Variants in RGS6 observed in about 807,000 individuals in gnomAD.
The protein encoded by RGS6 is regulator of G protein signaling 6, also known as regulator of G-protein signaling 6.
Under a neutral mutation model 78.5 loss-of-function variants are expected in RGS6, and 30 were observed. The ratio of observed to expected loss-of-function variants is 0.38; its 90% CI spans 0.29 to 0.52. The LOEUF (loss-of-function observed/expected upper bound fraction) is 0.52. RGS6 is among the 20% of genes least tolerant of loss of function. The pLI is 0.85. For missense variants in RGS6, 495 were observed against 609.7 expected (o/e 0.81, Z 1.98); for synonymous variants, 206 against 206.0 (o/e 1.00, Z 0.00).
chr14:72,521,769 C>G (rs1425079779), intron 15 of RGS6, among the ~76,000 whole-genome samples: 1 of 152,120 alleles, frequency 6.6e-6, no homozygotes, highest in East Asian at 1.9e-4. Context: ...CCTGAGTCTT[C>G]CTTTCCTCAT....
At chr14:72,325,314 T>C (rs945939175) in intron 2 of RGS6, among the ~76,000 whole-genome samples, 1 of 152,214 alleles carries the variant, frequency 6.6e-6, no homozygotes, top group African/African-American at 2.4e-5. Flanking sequence ...GCCTGTTCAC[T>C]CTGATGGTAG....
At chr14:72,183,815 G>A (rs1310730332) in intron 2 of RGS6, among the ~76,000 whole-genome samples, 2 of 151,938 alleles carry the variant, frequency 1.3e-5, no homozygotes, top group Non-Finnish European at 2.9e-5. Flanking sequence ...CCTCTATGTG[G>A]CCATATGTGC....
chr14:72,491,023 A>T (rs1273479420), intron 12 of RGS6, among the ~76,000 whole-genome samples: 1 of 152,170 alleles, frequency 6.6e-6, no homozygotes, highest in Non-Finnish European at 1.5e-5. Flanking sequence ...TATGGATCAC[A>T]CTTCCAGTAG....
chr14:72,359,223 A>G (rs535680121), intron 3 of RGS6, among the ~76,000 whole-genome samples: 2 of 152,272 alleles, frequency 1.3e-5, no homozygotes, highest in South Asian at 4.2e-4. Flanking sequence ...GAACCGACTA[A>G]TAGAGTAGAA....
At chr14:72,354,271 A>G (rs977108964) in intron 3 of RGS6, among the ~76,000 whole-genome samples, 3 of 152,050 alleles carry the variant, frequency 2.0e-5, no homozygotes, top group African/African-American at 7.2e-5. Flanking sequence ...GGTTCTGGTA[A>G]GAGCCCATTC....
At position 72,410,933 on chromosome 14, in the gene RGS6, T is replaced by A. The variant is rs576329569; in HGVS notation, c.185-43595T>A. Among the ~76,000 whole-genome samples the A allele has an allele frequency of 5.0e-3, 769 of 152,342 alleles. 6 individuals are homozygous for A. Among genetic ancestry groups the A allele is most frequent in the South Asian group, 0.012 (60 of 4,818 alleles). ...GTTCTGTTCCATTGGTCTATATCTC[T>A]GTTTTGGTACCAGTACCATGCTGTT... On this transcript the variant is annotated intron_variant, in intron 3 of 17. Coordinates refer to ENST00000553525, the MANE Select transcript of RGS6 (RefSeq NM_001204424.2).
chr14:72,407,401 C>G (rs2093028592), intron 3 of RGS6, among the ~76,000 whole-genome samples: 1 of 152,154 alleles, frequency 6.6e-6, no homozygotes. Flanking sequence ...ATTGCTGTTC[C>G]TAATGTCTTT....
intron 13 of RGS6, among the ~76,000 whole-genome samples, chr14:72,502,727 G>A (rs919181743): frequency 3.9e-5 from 6 of 152,154 alleles, no homozygotes; most frequent in Non-Finnish European, 7.3e-5. Context: ...TCGTGCCATT[G>A]CACTCCAGCC....
intron 2 of RGS6, among the ~76,000 whole-genome samples, chr14:72,019,309 A>G (rs1469812605): frequency 6.6e-6 from 1 of 152,182 alleles, no homozygotes; most frequent in African/African-American, 2.4e-5. Flanking sequence ...GGTCAACACT[A>G]TTTTCCATCT....
At chr14:72,059,449 G>T (rs1227553814) in intron 2 of RGS6, among the ~76,000 whole-genome samples, 1 of 152,140 alleles carries the variant, frequency 6.6e-6, no homozygotes, top group Non-Finnish European at 1.5e-5. Context: ...TTGCCTTACT[G>T]GTGCGCTCTC....
At chr14:72,081,604 C>G (rs1162538092) in intron 2 of RGS6, among the ~76,000 whole-genome samples, 1 of 152,014 alleles carries the variant, frequency 6.6e-6, no homozygotes, top group Non-Finnish European at 1.5e-5. Context: ...ATTATTTTCC[C>G]TTTTTAACTT....
intron 1 of RGS6, among the ~76,000 whole-genome samples, chr14:71,958,851 C>G (rs1254938780): frequency 6.6e-6 from 1 of 152,180 alleles, no homozygotes; most frequent in East Asian, 1.9e-4. Flanking sequence ...ATCAGAACTT[C>G]TGGAGCATGG....
chr14:72,073,248 G>C (rs533125016), intron 2 of RGS6, among the ~76,000 whole-genome samples: 38 of 152,238 alleles, frequency 2.5e-4, no homozygotes, highest in Admixed American at 2.2e-3. Context: ...TTGTCTATAG[G>C]TTATTGGAAA....
chr14:72,580,687 A>G, the RGS6 span, among the ~76,000 whole-genome samples: 15 of 152,226 alleles, frequency 9.9e-5, no homozygotes, highest in Non-Finnish European at 2.2e-4. Context: ...TGGCTTTGAA[A>G]TTGCTTTTCA....
the RGS6 span, among the ~76,000 whole-genome samples, chr14:71,871,522 A>G: frequency 2.6e-5 from 4 of 152,024 alleles, no homozygotes; most frequent in Non-Finnish European, 2.9e-5. Flanking sequence ...CTCTTTTGAA[A>G]GCTAATTCCC....
the RGS6 span, among the ~76,000 whole-genome samples, chr14:72,615,857 C>G: frequency 6.6e-6 from 1 of 152,252 alleles, no homozygotes; most frequent in South Asian, 2.1e-4. Context: ...ATCCAAAAAG[C>G]AGGGTTTCAA....
At chr14:72,250,242 A>AT (rs1233633109) in intron 2 of RGS6, among the ~76,000 whole-genome samples, 32 of 148,118 alleles carry the variant, frequency 2.2e-4, no homozygotes, top group Admixed American at 2.0e-3. Flanking sequence ...AACTATAATA[A>AT]AAAAAAAAAG....
At chr14:72,325,703 C>T (rs1014909358) in intron 2 of RGS6, among the ~76,000 whole-genome samples, 1 of 151,830 alleles carries the variant, frequency 6.6e-6, no homozygotes, top group African/African-American at 2.4e-5. Context: ...AAAAAACAAC[C>T]CAGTGGAAAT....
At chr14:72,214,611 T>C (rs2045105711) in intron 2 of RGS6, among the ~76,000 whole-genome samples, 1 of 152,204 alleles carries the variant, frequency 6.6e-6, no homozygotes, top group Non-Finnish European at 1.5e-5. Context: ...TAAAATTGCT[T>C]AATTATATGT....
Sources: allele counts gnomAD v4.1 joint callset (sites outside exome capture counted in the v4.1 genomes callset), GRCh38; gene constraint gnomAD v4.1.1; transcripts MANE v1.5; gene names NCBI Gene and HGNC (gene_info 2026-07-23, HGNC 2026-07-21).